The following SPATS2L variants were observed in gnomAD, a reference collection of about 807,000 sequenced individuals.
SPATS2L encodes the protein spermatogenesis associated serine rich 2 like, also known as SPATS2-like protein.
SPATS2L carries 30 observed loss-of-function variants against 59.6 expected under a neutral mutation model. The observed-to-expected ratio is 0.50, with a 90% CI of 0.38 to 0.68. The LOEUF (loss-of-function observed/expected upper bound fraction) is 0.68, where lower values mean the gene tolerates loss of function less well. Among genes scored for constraint, SPATS2L ranks in the 30% least tolerant of loss-of-function variants. The probability of loss-of-function intolerance (pLI) is 0.00; values close to 1 mark genes in which losing one functional copy is unlikely to be tolerated. For missense variants in SPATS2L, 615 were observed against 700.0 expected, an observed-to-expected ratio of 0.88 and a Z score of 1.37; for synonymous variants, 252 against 263.5, an observed-to-expected ratio of 0.96 and a Z score of 0.42.
intron 3 of SPATS2L, chr2:200,389,749 G>C (rs2082113792): frequency 6.5e-6 from 1 of 153,270 alleles, no homozygotes; most frequent in African/African-American, 2.4e-5. Context: ...TCACCTGGTG[G>C]TCACGCTGGG....
intron 1 of SPATS2L, among the ~76,000 whole-genome samples, chr2:200,327,823 A>G (rs1324148871): frequency 6.6e-6 from 1 of 152,088 alleles, no homozygotes; most frequent in African/African-American, 2.4e-5. Flanking sequence ...GCATTTATGT[A>G]GAAGTAAATG....
At chr2:200,379,695 G>C (rs1020778118) in intron 2 of SPATS2L, among the ~76,000 whole-genome samples, 2 of 152,052 alleles carry the variant, frequency 1.3e-5, no homozygotes, top group African/African-American at 4.8e-5. Flanking sequence ...GTGGTGGGGG[G>C]GATGGGGGAG....
intron 8 of SPATS2L, among the ~76,000 whole-genome samples, chr2:200,449,104 AAT>A (rs1381594290): frequency 7.1e-4 from 108 of 152,296 alleles, no homozygotes; most frequent in Non-Finnish European, 1.2e-4. Flanking sequence ...CTCATTTGTG[AAT>A]ATGTGTCTTT....
At chr2:200,469,732 C>G in intron 10 of SPATS2L, 182 bp from the exon 11 acceptor site, 1 of 533,226 alleles carries the variant, frequency 1.9e-6, no homozygotes, top group South Asian at 2.8e-5. Flanking sequence ...CAGGAAGATG[C>G]TCATTCCCTA....
rs151257963 is a variant in SPATS2L, at chr2:200,318,133, C to A, written c.-73+11211C>A. ...GTAAACAGCAGAGAGTCTGATCTCA[C>A]ATACTGCCCTGATCGACAAGTGTTT... On this transcript the variant is annotated intron_variant, in intron 1 of 12. Transcript: ENST00000409140. Among the ~76,000 whole-genome samples the A allele has an allele frequency of 2.5e-3, 387 of 152,344 alleles. 13 individuals are homozygous for A. The highest frequency in any genetic ancestry group is 0.023 in the Admixed American group (351 of 15,308).
intron 3 of SPATS2L, among the ~76,000 whole-genome samples, chr2:200,396,588 G>T (rs913044037): frequency 6.6e-6 from 1 of 152,118 alleles, no homozygotes; most frequent in Non-Finnish European, 1.5e-5. Flanking sequence ...ATGTGGGGTG[G>T]AGTATGGTCA....
At chr2:200,354,587 G>A (rs770577967) in intron 2 of SPATS2L, among the ~76,000 whole-genome samples, 9 of 150,502 alleles carry the variant, frequency 6.0e-5, no homozygotes, top group Non-Finnish European at 1.0e-4. Context: ...CAGCCTGGGC[G>A]ACAGAGCAAG....
At chr2:200,471,646 A>C (rs903948118) in intron 11 of SPATS2L, among the ~76,000 whole-genome samples, 40 of 152,136 alleles carry the variant, frequency 2.6e-4, no homozygotes, top group African/African-American at 9.7e-4. Flanking sequence ...TGCAGACAAT[A>C]ATGACCCCAT....
chr2:200,469,572 A>T (rs185589490), intron 10 of SPATS2L, among the ~76,000 whole-genome samples: 42 of 152,362 alleles, frequency 2.8e-4, no homozygotes, highest in African/African-American at 8.2e-4. Context: ...CTTAGAAGGC[A>T]CTTGGCCAAA....
At chr2:200,461,394 A>G (rs1396830097) in intron 9 of SPATS2L, 1 of 152,202 alleles carries the variant, frequency 6.6e-6, no homozygotes, top group Non-Finnish European at 1.5e-5. Context: ...CCACTGTGGT[A>G]AAGTTACTTG....
At position 200,326,956 on chromosome 2, in the gene SPATS2L, A is replaced by G. The variant is rs182404997; in HGVS notation, c.-72-2475A>G. On this transcript the variant is annotated intron_variant, in intron 1 of 12. Transcript: ENST00000409140. ...GAGTTGGGGTTTTGCCATGTTGGCCAGGCTGGTCATGAACTCCTGACCTCA... is the reference window on the plus strand; with the variant it reads ...GAGTTGGGGTTTTGCCATGTTGGCCGGGCTGGTCATGAACTCCTGACCTCA... Among the ~76,000 whole-genome samples the G allele has an allele frequency of 4.4e-3, 589 of 135,376 alleles. 2 individuals are homozygous for G. The highest frequency in any genetic ancestry group is 0.021 in the Middle Eastern group (5 of 236). The allele number at this position is 135,376 out of a possible 152,430, so 88.8% of individuals were successfully genotyped here. A position where few individuals can be genotyped will look rare whatever the true frequency, so the allele number is the denominator to read the frequency against.
intron 2 of SPATS2L, among the ~76,000 whole-genome samples, chr2:200,345,781 A>C (rs1320170644): frequency 6.6e-6 from 1 of 152,230 alleles, no homozygotes; most frequent in African/African-American, 2.4e-5. Flanking sequence ...GACCTTCAAA[A>C]TACCTAGTTT....
chr2:200,422,575 G>A (rs1476973505), intron 6 of SPATS2L, among the ~76,000 whole-genome samples: 4 of 151,576 alleles, frequency 2.6e-5, no homozygotes, highest in Non-Finnish European at 4.4e-5. Context: ...AGAAATGATG[G>A]TAATGGAAGG....
At chr2:200,409,472 T>C (rs2082800890) in intron 3 of SPATS2L, among the ~76,000 whole-genome samples, 1 of 152,198 alleles carries the variant, frequency 6.6e-6, no homozygotes. Context: ...GTTCACACAA[T>C]TTCTCCATCT....
At chr2:200,374,644 C>T (rs1306024303) in intron 2 of SPATS2L, among the ~76,000 whole-genome samples, 8 of 152,022 alleles carry the variant, frequency 5.3e-5, no homozygotes, top group African/African-American at 1.7e-4. Context: ...ACATGTTCCA[C>T]AGTTAGATAA....
At chr2:200,432,597 A>G (rs898223026) in intron 6 of SPATS2L, among the ~76,000 whole-genome samples, 3 of 152,228 alleles carry the variant, frequency 2.0e-5, no homozygotes, top group African/African-American at 7.2e-5. Flanking sequence ...TCAGTGTCCA[A>G]TTTTAAAAAT....
chr2:200,331,485 CTTG>C (rs142661453), intron 2 of SPATS2L, among the ~76,000 whole-genome samples: 1 of 152,310 alleles, frequency 6.6e-6, no homozygotes, highest in East Asian at 1.9e-4. Flanking sequence ...AGGAACTATT[CTTG>C]TTGTTATCAA....
intron 1 of SPATS2L, among the ~76,000 whole-genome samples, chr2:200,326,129 C>A (rs2079732043): frequency 6.6e-6 from 1 of 152,156 alleles, no homozygotes; most frequent in Admixed American, 6.5e-5. Context: ...GATTCCAGAG[C>A]CTTTTCACTT....
intron 2 of SPATS2L, among the ~76,000 whole-genome samples, chr2:200,388,623 A>G (rs143022992): frequency 0.026 from 3,107 of 118,230 alleles, 57 homozygotes; most frequent in Non-Finnish European, 0.04. Flanking sequence ...CCCCCCCCCC[A>G]CCCAGAAAAA....
Sources: gnomAD v4.1 joint callset for allele counts (sites outside exome capture counted in the v4.1 genomes callset) on GRCh38, gnomAD v4.1.1 for gene constraint, MANE v1.5 for transcripts, NCBI Gene and HGNC (gene_info 2026-07-23, HGNC 2026-07-21) for gene names.